The following SLC25A26 variants were observed in gnomAD, a reference collection of about 807,000 sequenced individuals.
SLC25A26 encodes the protein mitochondrial S-adenosylmethionine carrier protein.
Under a neutral mutation model 37.8 loss-of-function variants are expected in SLC25A26, and 36 were observed. The observed-to-expected ratio is 0.95, with a 90% CI of 0.73 to 1.26. The LOEUF is 1.26. Ranked by LOEUF, SLC25A26 falls within the 50% of genes most tolerant of loss-of-function variation. The pLI, the probability that SLC25A26 is intolerant of heterozygous loss-of-function variation, is 0.00. For synonymous variants in SLC25A26, 129 were observed against 122.5 expected (o/e 1.05, Z -0.35); for missense variants, 390 against 331.1 (o/e 1.18, Z -1.38).
rs202081424 is a variant in SLC25A26 at position 66,350,896 on chromosome 3, C to T, written c.498+4488C>T. Among the ~76,000 whole-genome samples, 4 of 152,052 alleles carry T rather than the reference C, an allele frequency of 2.6e-5. No individual in the cohort carries two copies. The East Asian group carries it at 7.8e-4, about 30-fold the overall frequency. On this transcript the variant is annotated intron_variant, in intron 6 of 9. Transcript: ENST00000354883. Reference sequence around the variant, plus strand: ...AAATCTCAATTCAGTGTTTGATCTCCTGCTTGAAGTCTTCTAATGAAGGCC... The same window carrying T: ...AAATCTCAATTCAGTGTTTGATCTCTTGCTTGAAGTCTTCTAATGAAGGCC...
intron 6 of SLC25A26, among the ~76,000 whole-genome samples, chr3:66,347,338 G>C (rs557298655): frequency 3.3e-5 from 5 of 152,318 alleles, no homozygotes; most frequent in Non-Finnish European, 7.3e-5. Flanking sequence ...CTTCTCAAGA[G>C]AAGACTTTCA....
At position 66,326,116 on chromosome 3, in the gene SLC25A26, A is replaced by C. The variant is rs190104741; in HGVS notation, c.454-20248A>C. 5.3e-3 allele frequency among the ~76,000 whole-genome samples: 805 copies of C among 152,282 alleles called. 20 individuals carry two copies. Among genetic ancestry groups the C allele is most frequent in the Non-Finnish European group, 2.0e-3 (133 of 68,014 alleles). On this transcript the variant is annotated intron_variant, in intron 5 of 9. Transcript: ENST00000354883. ...ATTTCTGACACAACCACCTGGATGC[A>C]TAGTGGCCATATTGGCTGAGCTCAG...
intron 5 of SLC25A26, among the ~76,000 whole-genome samples, chr3:66,278,989 G>A (rs1347085576): frequency 6.6e-6 from 1 of 152,100 alleles, no homozygotes; most frequent in Admixed American, 6.5e-5. Flanking sequence ...GTGTGCTAAG[G>A]CTGTATTTTT....
rs1159734636 is a variant in SLC25A26, at chr3:66,209,898, TTATATATATATA to T, written c.-353-10806_-353-10795del. ...TATACTCCTCTCTCTCTCTCTCTAT[TTATATATATATA>T]TATATATATATATATATATATATAT... On this transcript the variant is annotated intron_variant, in intron 1 of 10. Transcript: ENST00000676754. Among the ~76,000 whole-genome samples the T allele has an allele frequency of 7.2e-3, 279 of 38,596 alleles. 15 individuals carry two copies. Among genetic ancestry groups the T allele is most frequent in the Middle Eastern group, 0.033 (1 of 30 alleles). 25.3% of individuals were successfully genotyped at this position (38,596 alleles called of 152,430 possible).
chr3:66,233,557 G>A (rs893621289), intron 1 of SLC25A26, among the ~76,000 whole-genome samples: 24 of 152,114 alleles, frequency 1.6e-4, no homozygotes, highest in Admixed American at 1.4e-3. Context: ...GGTTGTTACT[G>A]GCTTATATAT....
chr3:66,252,761 A>G (rs976031567), intron 3 of SLC25A26, among the ~76,000 whole-genome samples: 3 of 152,206 alleles, frequency 2.0e-5, no homozygotes, highest in African/African-American at 4.8e-5. Context: ...TTGAAATTCA[A>G]AGAAGTTTAG....
intron 5 of SLC25A26, among the ~76,000 whole-genome samples, chr3:66,344,705 A>T (rs769652564): frequency 3.3e-5 from 5 of 152,226 alleles, no homozygotes; most frequent in Non-Finnish European, 5.9e-5. Context: ...ACTGGACATT[A>T]CTTCAGCTGC....
chr3:66,279,152 T>G (rs2074253892), intron 5 of SLC25A26, among the ~76,000 whole-genome samples: 1 of 152,202 alleles, frequency 6.6e-6, no homozygotes, highest in East Asian at 1.9e-4. Flanking sequence ...CTTTTCTGTA[T>G]GAAAAAGGCA....
intron 5 of SLC25A26, among the ~76,000 whole-genome samples, chr3:66,295,016 G>A (rs756128855): frequency 8.5e-5 from 13 of 152,110 alleles, no homozygotes; most frequent in African/African-American, 2.7e-4. Flanking sequence ...AAAGTTAGAC[G>A]TATGCTGAAT....
intron 1 of SLC25A26, among the ~76,000 whole-genome samples, chr3:66,166,771 C>A (rs140884992): frequency 2.7e-4 from 41 of 152,236 alleles, no homozygotes; most frequent in African/African-American, 9.2e-4. Context: ...AGTGCCTGGC[C>A]ACTGGAATGG....
At chr3:66,157,095 T>A (rs1195934616) in intron 1 of SLC25A26, among the ~76,000 whole-genome samples, 1 of 151,884 alleles carries the variant, frequency 6.6e-6, no homozygotes, top group Non-Finnish European at 1.5e-5. Context: ...ATTAGCCAAG[T>A]GTGGTGGCAT....
At chr3:66,163,992 A>G (rs1439855543) in intron 1 of SLC25A26, among the ~76,000 whole-genome samples, 1 of 152,202 alleles carries the variant, frequency 6.6e-6, no homozygotes, top group Non-Finnish European at 1.5e-5. Context: ...ATGTACAGGG[A>G]AGCCCCTATA....
At chr3:66,329,761 C>G (rs2075926145) in intron 5 of SLC25A26, among the ~76,000 whole-genome samples, 1 of 152,152 alleles carries the variant, frequency 6.6e-6, no homozygotes, top group Non-Finnish European at 1.5e-5. Context: ...GAGCTAGAGC[C>G]TTGCTCCATC....
At chr3:66,213,209 G>A (rs1467005698) in intron 1 of SLC25A26, among the ~76,000 whole-genome samples, 1 of 151,928 alleles carries the variant, frequency 6.6e-6, no homozygotes, top group Non-Finnish European at 1.5e-5. Flanking sequence ...AGACCAGCTT[G>A]GCCAACGTGG....
At chr3:66,250,746 T>C (rs562876441) in intron 3 of SLC25A26, among the ~76,000 whole-genome samples, 1 of 152,262 alleles carries the variant, frequency 6.6e-6, no homozygotes, top group Non-Finnish European at 1.5e-5. Context: ...GTTGGTTTTC[T>C]CCGGACTGGG....
intron 1 of SLC25A26, among the ~76,000 whole-genome samples, chr3:66,195,747 T>G (rs1455071156): frequency 6.6e-6 from 1 of 152,240 alleles, no homozygotes; most frequent in African/African-American, 2.4e-5. Context: ...CAAAGGAGTC[T>G]CAAAAGAATG....
intron 3 of SLC25A26, among the ~76,000 whole-genome samples, chr3:66,260,027 C>T (rs6777571): frequency 0.33 from 50,893 of 151,960 alleles, 8,965 homozygotes; most frequent in African/African-American, 0.44. Context: ...TTATGTACTT[C>T]CTTTTATTGT....
In SLC25A26 at chr3:66,224,624, C is replaced by A. The variant is rs142065478; in HGVS notation, c.33+3497C>A. Among the ~76,000 whole-genome samples the A allele has an allele frequency of 3.7e-3, 559 of 152,278 alleles. 3 individuals are homozygous for A. Among genetic ancestry groups the A allele is most frequent in the East Asian group, 0.017 (89 of 5,180 alleles). On this transcript the variant is annotated intron_variant, in intron 1 of 9. Transcript: ENST00000354883. The stretch of plus-strand genomic sequence containing the variant: ...CCACCCCTGGCCTCTCCCAAATCTC[C>A]TATCCTCACATTTCAAAACCAATCA...
chr3:66,265,118 G>A (rs2073693042), intron 5 of SLC25A26, among the ~76,000 whole-genome samples: 1 of 152,014 alleles, frequency 6.6e-6, no homozygotes, highest in Non-Finnish European at 1.5e-5. Flanking sequence ...TTCAAGACCA[G>A]CCTGGGCAAC....
Sources: gnomAD v4.1 joint callset for allele counts (sites outside exome capture counted in the v4.1 genomes callset) on GRCh38, gnomAD v4.1.1 for gene constraint, MANE v1.5 for transcripts, NCBI Gene and HGNC (gene_info 2026-07-23, HGNC 2026-07-21) for gene names.